ECSIT: variants seen among roughly 807,000 people sequenced by gnomAD.
ECSIT encodes the protein evolutionarily conserved signaling intermediate in Toll pathway, mitochondrial.
A neutral mutation model predicts 36.8 loss-of-function variants in ECSIT; 29 were observed. The observed-to-expected ratio is 0.79, with a 90% CI of 0.59 to 1.08. The LOEUF (loss-of-function observed/expected upper bound fraction) is 1.08. Ranked by LOEUF, ECSIT falls within the 50% of genes least tolerant of loss-of-function variation. The probability of loss-of-function intolerance (pLI) is 0.00; values close to 1 mark genes in which losing one functional copy is unlikely to be tolerated. For synonymous variants in ECSIT, 231 were observed against 234.8 expected, an observed-to-expected ratio of 0.98 and a Z score of 0.15; for missense variants, 542 against 581.0, an observed-to-expected ratio of 0.93 and a Z score of 0.69.
chr19:11,523,756 T>A (rs552184949), intron 1 of ECSIT: 5 of 681,558 alleles, frequency 7.3e-6, no homozygotes, highest in Non-Finnish European at 8.2e-6. Flanking sequence ...GTTGCAGTTG[T>A]GTAGTAGTTA....
At chr19:11,515,940 G>T (rs1001743166) in intron 2 of ECSIT, 1 of 152,214 alleles carries the variant, frequency 6.6e-6, no homozygotes, top group African/African-American at 2.4e-5. Context: ...CCTAATTTTT[G>T]TGTTTTTAGT....
intron 4 of ECSIT, among the ~76,000 whole-genome samples, chr19:11,512,386 A>G (rs1434475453): frequency 6.6e-6 from 1 of 151,598 alleles, no homozygotes; most frequent in Non-Finnish European, 1.5e-5. Flanking sequence ...TTTGCCCCTT[A>G]TATTATGTGA....
Position 11,513,901 on chromosome 19 carries a change from C to T in ECSIT, c.417G>A (p.Glu139=), listed in dbSNP as rs770601182. The change falls in exon 3 of 8, where the codon GAG becomes GAA. Residue 139 remains glutamate, a synonymous_variant. Coordinates refer to ENST00000270517, the MANE Select transcript of ECSIT (RefSeq NM_016581.5). ...GGATGATGTTGCGAGGCCGGAAGACCTCCTTGGGGAAGATGTTGAGCAGCT... is the reference window on the plus strand; with the variant it reads ...GGATGATGTTGCGAGGCCGGAAGACTTCCTTGGGGAAGATGTTGAGCAGCT... The part of the protein sequence containing the change: ...YNQLLNIFPK[E]VFRPRNIIQR... The T allele has an allele frequency of 2.5e-6, 4 of 1,614,100 alleles. No homozygotes were observed. The African/African-American group carries it at 4.0e-5, about 16-fold the overall frequency.
At chr19:11,526,131 A>C (rs1972211523) in intron 1 of ECSIT, among the ~76,000 whole-genome samples, 1 of 151,952 alleles carries the variant, frequency 6.6e-6, no homozygotes, top group African/African-American at 2.4e-5. Context: ...TGCCTGGCTA[A>C]TTTTTGCGTT....
rs780615143 is a variant in ECSIT, at chr19:11,506,400, G to A, written c.1080C>T (p.Cys360=). The change falls in exon 8 of 8, where the codon TGC becomes TGT. Residue 360 remains cysteine, a synonymous_variant. Transcript: ENST00000270517. ...TCGCCTGGTCATGAGCACCCGCCAT[G>A]CACATGGCGAAGACAGGGCCTTCCT... is the stretch of plus-strand genomic sequence containing the variant. The part of the protein sequence containing the change: ...EVEEGPVFAM[C]MAGAHDQATM... 6.2e-6 allele frequency: 10 copies of A among 1,613,232 alleles called. No individual in the cohort carries two copies. Among genetic ancestry groups the A allele is most frequent in the Non-Finnish European group, 7.6e-6 (9 of 1,179,678 alleles).
chr19:11,506,037 C>T lies in ECSIT; in HGVS notation c.*147G>A. 1 of 1,363,388 alleles carries T rather than the reference C, an allele frequency of 7.3e-7. No homozygotes were observed. The highest frequency in any genetic ancestry group is 1.4e-5 in the South Asian group (1 of 71,750). The allele number at this position is 1,363,388 out of a possible 1,614,324, so 84.5% of individuals were successfully genotyped here. A position where few individuals can be genotyped will look rare whatever the true frequency, so the allele number is the denominator to read the frequency against. ...CTGCCCATCGCTGGCAGCCCGAGAT[C>T]CTGGGGAGGGGATGCCATACTGCTA... On this transcript the variant is annotated 3_prime_UTR_variant, in exon 8 of 8. Transcript: ENST00000270517.
intron 7 of ECSIT, 88 bp from the exon 8 acceptor site, chr19:11,506,516 T>A: frequency 1.0e-4 from 79 of 760,614 alleles, no homozygotes; most frequent in Non-Finnish European, 1.4e-4. Flanking sequence ...TATTTTACAC[T>A]CCCTTCCACT....
At chr19:11,506,743 C>G (rs2144962298) in intron 7 of ECSIT, among the ~76,000 whole-genome samples, 1 of 152,260 alleles carries the variant, frequency 6.6e-6, no homozygotes, top group African/African-American at 2.4e-5. Flanking sequence ...CCATGTTGGC[C>G]AGGCTGGTCT....
chr19:11,514,695 A>T (rs1599582174), intron 2 of ECSIT, among the ~76,000 whole-genome samples: 2 of 151,602 alleles, frequency 1.3e-5, no homozygotes, highest in African/African-American at 4.8e-5. Context: ...CTAATTTTTA[A>T]ATTTTCAGCA....
chr19:11,523,820 T>G, intron 1 of ECSIT: 1 of 611,706 alleles, frequency 1.6e-6, no homozygotes, highest in Non-Finnish European at 3.1e-6. Flanking sequence ...GTACTTCAAA[T>G]GCAAGAAATG....
At chr19:11,520,676 C>T (rs943398997) in intron 1 of ECSIT, among the ~76,000 whole-genome samples, 6 of 151,416 alleles carry the variant, frequency 4.0e-5, no homozygotes, top group Non-Finnish European at 8.8e-5. Flanking sequence ...CTGCATCCAG[C>T]TAATTTATAG....
At position 11,513,076 on chromosome 19, in the gene ECSIT, C is replaced by G; in HGVS notation, c.718G>C (p.Ala240Pro). 1 of 1,614,134 alleles carries G rather than the reference C, an allele frequency of 6.2e-7. No individual in the cohort carries two copies. The highest frequency in any genetic ancestry group is 8.5e-7 in the Non-Finnish European group (1 of 1,180,040). Reference sequence around the variant, plus strand: ...GATACCTGGTAGATGGTGACCCTGGCACTAAGGTCAGGCTCCATGTGCCGC... The same window carrying G: ...GATACCTGGTAGATGGTGACCCTGGGACTAAGGTCAGGCTCCATGTGCCGC... ...GLRHMEPDLS[A>P]RVTIYQVPLP... is the part of the protein sequence containing the mutation. The change falls in exon 4 of 8, where the codon GCC becomes CCC. Residue 240 changes from alanine to proline, a missense_variant. Ala to Pro is a conservative substitution (Grantham distance 27). Coordinates refer to ENST00000270517, the MANE Select transcript of ECSIT (RefSeq NM_016581.5).
At chr19:11,523,113 C>T (rs1165899735) in intron 1 of ECSIT, among the ~76,000 whole-genome samples, 1 of 152,088 alleles carries the variant, frequency 6.6e-6, no homozygotes, top group African/African-American at 2.4e-5. Flanking sequence ...CCTCCTCCAC[C>T]ACCTCTTCTG....
At chr19:11,511,902 G>A (rs561726862) in intron 4 of ECSIT, among the ~76,000 whole-genome samples, 1 of 152,138 alleles carries the variant, frequency 6.6e-6, no homozygotes, top group African/African-American at 2.4e-5. Flanking sequence ...GCCTGGTGGT[G>A]CATGCCTGTA....
intron 4 of ECSIT, among the ~76,000 whole-genome samples, chr19:11,509,003 G>T (rs1421378144): frequency 6.6e-6 from 1 of 152,154 alleles, no homozygotes; most frequent in Non-Finnish European, 1.5e-5. Flanking sequence ...AGGACAGGGT[G>T]GGAAGGAATA....
At chr19:11,512,784 G>GT (rs1235075598) in intron 4 of ECSIT, among the ~76,000 whole-genome samples, 60 of 151,768 alleles carry the variant, frequency 4.0e-4, no homozygotes, top group Non-Finnish European at 8.1e-4. Context: ...AAAAAAAACA[G>GT]TTTTTTTAAT....
chr19:11,507,937 G>C (rs762071972), intron 5 of ECSIT, 54 bp downstream of exon 5: 2 of 1,613,930 alleles, frequency 1.2e-6, no homozygotes, highest in African/African-American at 2.7e-5. Flanking sequence ...GCGAGAACCT[G>C]GCAGGGCCTG....
rs1971960365 is a variant in ECSIT at position 11,514,977 on chromosome 19, T to C, written c.97-756A>G. On this transcript the variant is annotated intron_variant, in intron 2 of 7. Coordinates refer to ENST00000270517, the MANE Select transcript of ECSIT (RefSeq NM_016581.5). The stretch of plus-strand genomic sequence containing the variant: ...CCTCAGCCTCCCAAGTAAGCTGGAC[T>C]ACAGACGTGCTCCACCACGCCCTGC... Among the ~76,000 whole-genome samples the C allele has an allele frequency of 2.0e-5, 3 of 151,924 alleles. No homozygotes were observed. The South Asian group carries it at 6.2e-4, about 32-fold the overall frequency.
chr19:11,512,689 C>T (rs971235499), intron 4 of ECSIT, among the ~76,000 whole-genome samples: 29 of 151,624 alleles, frequency 1.9e-4, no homozygotes, highest in Admixed American at 1.6e-3. Context: ...AATCCCAGCA[C>T]TTTGGGAGGC....
Sources: gnomAD v4.1 joint callset for allele counts (sites outside exome capture counted in the v4.1 genomes callset) on GRCh38, gnomAD v4.1.1 for gene constraint, MANE v1.5 for transcripts, NCBI Gene and HGNC (gene_info 2026-07-23, HGNC 2026-07-21) for gene names.